ROBO2: variants seen among roughly 807,000 people sequenced by gnomAD.
ROBO2 encodes roundabout guidance receptor 2, also known as roundabout homolog 2.
In ROBO2, 53 loss-of-function variants were observed where a neutral mutation model predicts 160.8. The observed-to-expected ratio is 0.33, with a 90% CI of 0.26 to 0.41. The LOEUF (loss-of-function observed/expected upper bound fraction) is 0.41. Ranked by LOEUF, ROBO2 falls within the 10% of genes least tolerant of loss-of-function variation. The pLI is 1.00. For missense variants in ROBO2, 1,577 were observed against 1,722.4 expected (o/e 0.92, Z 1.49); for synonymous variants, 664 against 611.7 (o/e 1.09, Z -1.26).
chr3:77,294,437 A>T (rs2061771191), intron 2 of ROBO2, among the ~76,000 whole-genome samples: 1 of 138,282 alleles, frequency 7.2e-6, no homozygotes, highest in Non-Finnish European at 1.5e-5. Context: ...TTGAGCCTAG[A>T]TCCCTAAAGA....
chr3:76,715,309 C>A (rs267149), intron 2 of ROBO2, among the ~76,000 whole-genome samples: 7,722 of 152,184 alleles, frequency 0.051, 267 homozygotes, highest in Middle Eastern at 0.1. Flanking sequence ...AATACCACCA[C>A]CACTAACATC....
chr3:75,937,130 AT>A (rs1947818476), intron 1 of ROBO2, among the ~76,000 whole-genome samples: 1 of 152,194 alleles, frequency 6.6e-6, no homozygotes, highest in East Asian at 1.9e-4. Flanking sequence ...TTGCCTAAAT[AT>A]CAAGTTATAC....
chr3:76,092,800 T>C (rs1389802337), intron 2 of ROBO2, among the ~76,000 whole-genome samples: 1 of 152,214 alleles, frequency 6.6e-6, no homozygotes, highest in Non-Finnish European at 1.5e-5. Flanking sequence ...TGAAGATTTC[T>C]ATGACTATTT....
At chr3:77,449,458 A>T (rs1442161676) in intron 2 of ROBO2, among the ~76,000 whole-genome samples, 3 of 152,130 alleles carry the variant, frequency 2.0e-5, no homozygotes, top group Admixed American at 2.0e-4. Flanking sequence ...ATACATCTTG[A>T]ACAAAATATG....
intron 2 of ROBO2, among the ~76,000 whole-genome samples, chr3:77,143,739 T>C (rs1317355940): frequency 1.3e-5 from 2 of 152,160 alleles, no homozygotes; most frequent in African/African-American, 4.8e-5. Flanking sequence ...CTATTTTTGC[T>C]AAATTTTTTG....
intron 2 of ROBO2, among the ~76,000 whole-genome samples, chr3:76,755,588 A>G (rs917675602): frequency 6.6e-6 from 1 of 151,872 alleles, no homozygotes; most frequent in South Asian, 2.1e-4. Flanking sequence ...CTCAACTTCT[A>G]TAGCCCAAAG....
chr3:76,903,993 C>T (rs1241021408), intron 2 of ROBO2, among the ~76,000 whole-genome samples: 1 of 152,074 alleles, frequency 6.6e-6, no homozygotes, highest in Non-Finnish European at 1.5e-5. Flanking sequence ...CCAGTTTTCT[C>T]CACTATTTCA....
At chr3:77,170,488 A>G (rs1481050610) in intron 2 of ROBO2, among the ~76,000 whole-genome samples, 1 of 152,160 alleles carries the variant, frequency 6.6e-6, no homozygotes, top group Non-Finnish European at 1.5e-5. Context: ...AGTGCTTTGA[A>G]TATCCTTAGA....
chr3:77,495,191 C>T (rs948743056), intron 5 of ROBO2, among the ~76,000 whole-genome samples: 2 of 152,072 alleles, frequency 1.3e-5, no homozygotes, highest in Non-Finnish European at 2.9e-5. Context: ...AAAATTTATC[C>T]TAGTGTAAAC....
At chr3:76,752,562 A>T (rs1302472844) in intron 2 of ROBO2, among the ~76,000 whole-genome samples, 1 of 146,782 alleles carries the variant, frequency 6.8e-6, no homozygotes, top group Non-Finnish European at 1.5e-5. Flanking sequence ...TTAGGTAAGG[A>T]CTAAGACTAA....
chr3:77,471,432 G>A (rs1194091223), intron 2 of ROBO2, among the ~76,000 whole-genome samples: 1 of 152,202 alleles, frequency 6.6e-6, no homozygotes, highest in Non-Finnish European at 1.5e-5. Flanking sequence ...AAATTCAGTG[G>A]TGACTTGAGT....
Position 77,289,418 on chromosome 3 carries a change from G to A in ROBO2, c.389-187996G>A, listed in dbSNP as rs542658102. 2.6e-5 allele frequency among the ~76,000 whole-genome samples: 4 copies of A among 151,444 alleles called. No homozygotes were observed. The South Asian group carries it at 8.3e-4, about 32-fold the overall frequency. Reference sequence around the variant, plus strand: ...AAATTGACGTTTAAACGGGGACACTGAGGCTAGATCACCCCAGAAATTAAG... The same window carrying A: ...AAATTGACGTTTAAACGGGGACACTAAGGCTAGATCACCCCAGAAATTAAG... On this transcript the variant is annotated intron_variant, in intron 2 of 25. Transcript: ENST00000461745.
At chr3:77,451,653 G>T (rs1426381739) in intron 2 of ROBO2, among the ~76,000 whole-genome samples, 1 of 151,992 alleles carries the variant, frequency 6.6e-6, no homozygotes, top group Non-Finnish European at 1.5e-5. Flanking sequence ...AATGTGCAAA[G>T]TCTAGTTCAT....
chr3:76,176,205 T>G (rs1333205683), intron 2 of ROBO2, among the ~76,000 whole-genome samples: 1 of 152,268 alleles, frequency 6.6e-6, no homozygotes, highest in East Asian at 1.9e-4. Flanking sequence ...TGTTCCTCCA[T>G]GCAAGCCCAT....
intron 2 of ROBO2, among the ~76,000 whole-genome samples, chr3:76,538,300 C>T (rs1326298374): frequency 6.6e-6 from 1 of 152,172 alleles, no homozygotes; most frequent in Non-Finnish European, 1.5e-5. Context: ...ATTTGTCCCT[C>T]TCCCTTCTCT....
At chr3:76,006,706 G>A (rs1293593396) in intron 2 of ROBO2, among the ~76,000 whole-genome samples, 1 of 152,016 alleles carries the variant, frequency 6.6e-6, no homozygotes, top group Non-Finnish European at 1.5e-5. Context: ...TATAGTAGGT[G>A]CTCATTTAAT....
chr3:76,242,702 A>G (rs1023418849), intron 2 of ROBO2, among the ~76,000 whole-genome samples: 2 of 152,128 alleles, frequency 1.3e-5, no homozygotes, highest in African/African-American at 4.8e-5. Context: ...CCAGGGCAAC[A>G]TAGTGAGACC....
chr3:77,296,340 C>T (rs1010333821), intron 2 of ROBO2, among the ~76,000 whole-genome samples: 3 of 151,860 alleles, frequency 2.0e-5, no homozygotes, highest in Admixed American at 2.0e-4. Context: ...GGCTAGATCA[C>T]CCCAGACATA....
intron 2 of ROBO2, among the ~76,000 whole-genome samples, chr3:76,925,372 A>T (rs1346601986): frequency 2.0e-5 from 3 of 152,152 alleles, no homozygotes; most frequent in Admixed American, 2.0e-4. Flanking sequence ...CCTGTTGTAG[A>T]TATTAAGTCT....
Sources: allele counts gnomAD v4.1 joint callset (sites outside exome capture counted in the v4.1 genomes callset), GRCh38; gene constraint gnomAD v4.1.1; transcripts MANE v1.5; gene names NCBI Gene and HGNC (gene_info 2026-07-23, HGNC 2026-07-21).